The following NR2C2 variants were observed in gnomAD, a reference collection of about 807,000 sequenced individuals.
NR2C2 encodes nuclear receptor subfamily 2 group C member 2.
Under a neutral mutation model 62.9 loss-of-function variants are expected in NR2C2, and 6 were observed. The ratio of observed to expected loss-of-function variants is 0.10; its 90% confidence interval spans 0.05 to 0.19. The LOEUF is 0.19. Ranked by LOEUF, NR2C2 falls within the 10% of genes least tolerant of loss-of-function variation. The probability of loss-of-function intolerance (pLI) is 1.00; values close to 1 mark genes in which losing one functional copy is unlikely to be tolerated. For missense variants in NR2C2, 479 were observed against 762.7 expected, an observed-to-expected ratio of 0.63 and a Z score of 4.38; for synonymous variants, 272 against 273.8, an observed-to-expected ratio of 0.99 and a Z score of 0.07.
At chr3:14,982,764 C>G (rs115800937) in intron 1 of NR2C2, among the ~76,000 whole-genome samples, 1 of 151,766 alleles carries the variant, frequency 6.6e-6, no homozygotes, top group Non-Finnish European at 1.5e-5. Flanking sequence ...ATGTTTTTGT[C>G]TTGACTTATT....
At chr3:15,032,767 G>A (rs1262718409) in intron 10 of NR2C2, among the ~76,000 whole-genome samples, 1 of 152,180 alleles carries the variant, frequency 6.6e-6, no homozygotes, top group Non-Finnish European at 1.5e-5. Context: ...GAATGTAGAA[G>A]GCAAGGGTAG....
At chr3:15,038,358 C>T (rs1367211900) in intron 12 of NR2C2, 2 of 432,152 alleles carry the variant, frequency 4.6e-6, no homozygotes, top group Admixed American at 8.1e-5. Context: ...TGATGTCACG[C>T]ACTGAATAGA....
intron 11 of NR2C2, among the ~76,000 whole-genome samples, chr3:15,037,554 G>A (rs898985720): frequency 1.5e-4 from 23 of 152,144 alleles, no homozygotes; most frequent in African/African-American, 5.3e-4. Context: ...GTTCAGCCTG[G>A]GCAACATAGT....
rs2042056104 is a variant in NR2C2, at chr3:15,034,492, T to A, written c.1233-178T>A. 3 of 555,494 alleles carry A rather than the reference T, an allele frequency of 5.4e-6. No homozygotes were observed. In the South Asian group the frequency reaches 8.1e-5, roughly 15 times the overall value. The allele number at this position is 555,494 out of a possible 1,614,324, so 34.4% of individuals were successfully genotyped here. ...CATTAGAAGGATTTTAGTTAAAACA[T>A]TCATAGACTTATTCATAGACTTCAT... On this transcript the variant is annotated intron_variant, in intron 10 of 13. Coordinates refer to ENST00000425241, the MANE Select transcript of NR2C2 (RefSeq NM_001291694.2).
intron 10 of NR2C2, among the ~76,000 whole-genome samples, chr3:15,033,741 C>T (rs1437378881): frequency 1.3e-5 from 2 of 151,052 alleles, no homozygotes; most frequent in East Asian, 3.9e-4. Flanking sequence ...ACATTGTTAC[C>T]CACTGCCCTG....
chr3:15,036,435 TTC>T (rs1242074769), intron 11 of NR2C2, among the ~76,000 whole-genome samples: 1 of 151,748 alleles, frequency 6.6e-6, no homozygotes, highest in Non-Finnish European at 1.5e-5. Context: ...ATGCCCAGGA[TTC>T]GAAGTAACAC....
intron 1 of NR2C2, chr3:14,962,594 A>G (rs2039717332): frequency 6.6e-6 from 1 of 152,026 alleles, no homozygotes; most frequent in East Asian, 1.9e-4. Context: ...GGAGGTCAGC[A>G]TGTGATACGT....
chr3:14,974,682 C>G (rs2040151923), intron 1 of NR2C2, among the ~76,000 whole-genome samples: 1 of 151,376 alleles, frequency 6.6e-6, no homozygotes, highest in Non-Finnish European at 1.5e-5. Flanking sequence ...AGGCTCACTG[C>G]AACCTCCACT....
In NR2C2 at chr3:14,979,712, TGAA is replaced by T. The variant is rs534466489; in HGVS notation, c.-39-24161_-39-24159del. Among the ~76,000 whole-genome samples, 344 of 151,744 alleles carry T rather than the reference TGAA, an allele frequency of 2.3e-3. 4 individuals are homozygous for T. Among genetic ancestry groups the T allele is most frequent in the Middle Eastern group, 0.017 (5 of 294 alleles). ...CATGCTTGGTACAATAAAGGAATAA[TGAA>T]GAGTCCTGTGTGGCAGCAGTGCAGG... On this transcript the variant is annotated intron_variant, in intron 1 of 13. Coordinates refer to ENST00000425241, the MANE Select transcript of NR2C2 (RefSeq NM_001291694.2).
chr3:15,012,807 T>A (rs1004065954), intron 2 of NR2C2, among the ~76,000 whole-genome samples: 2 of 152,206 alleles, frequency 1.3e-5, no homozygotes, highest in African/African-American at 4.8e-5. Context: ...ATTCTTGTCA[T>A]AGCAGCTGTT....
At chr3:15,004,277 A>G (rs1001179715) in intron 2 of NR2C2, among the ~76,000 whole-genome samples, 4 of 152,194 alleles carry the variant, frequency 2.6e-5, no homozygotes, top group Admixed American at 2.6e-4. Flanking sequence ...ATTAAGAGCA[A>G]GGGCCCCTAC....
At chr3:15,019,252 A>G (rs2041604069) in intron 4 of NR2C2, among the ~76,000 whole-genome samples, 1 of 151,926 alleles carries the variant, frequency 6.6e-6, no homozygotes, top group Admixed American at 6.6e-5. Context: ...AAATGTCTAC[A>G]ATTAAAAAGA....
chr3:14,959,433 C>G (rs973555567), intron 1 of NR2C2: 3 of 152,140 alleles, frequency 2.0e-5, no homozygotes, highest in African/African-American at 7.2e-5. Flanking sequence ...CCTCCTCTGA[C>G]TGGATTTAAG....
intron 1 of NR2C2, among the ~76,000 whole-genome samples, chr3:14,979,914 A>C (rs1228598963): frequency 1.3e-5 from 2 of 152,220 alleles, no homozygotes; most frequent in African/African-American, 4.8e-5. Flanking sequence ...TGGGGGTTGA[A>C]TCACAAGCCT....
intron 8 of NR2C2, 58 bp downstream of exon 8, chr3:15,028,777 T>C (rs1007044216): frequency 6.4e-7 from 1 of 1,573,294 alleles, no homozygotes; most frequent in African/African-American, 1.3e-5. Flanking sequence ...CCCTCTATTG[T>C]GAGGGTGGAA....
intron 1 of NR2C2, among the ~76,000 whole-genome samples, chr3:14,982,472 TC>T (rs2125332726): frequency 6.6e-6 from 1 of 152,354 alleles, no homozygotes; most frequent in Non-Finnish European, 1.5e-5. Context: ...TATTGAGTCT[TC>T]CGATCCATCA....
intron 11 of NR2C2, 81 bp downstream of exon 11, chr3:15,034,890 A>C: frequency 7.2e-7 from 1 of 1,394,704 alleles, no homozygotes; most frequent in Admixed American, 2.7e-5. Context: ...CCCTGGTTGG[A>C]GGCTCATGTC....
At chr3:15,002,179 C>T (rs2041022755) in intron 1 of NR2C2, among the ~76,000 whole-genome samples, 1 of 152,168 alleles carries the variant, frequency 6.6e-6, no homozygotes, top group African/African-American at 2.4e-5. Flanking sequence ...AGCTTTTAGT[C>T]TTTTACCGCT....
intron 11 of NR2C2, among the ~76,000 whole-genome samples, chr3:15,035,882 G>T (rs1016404651): frequency 3.9e-5 from 6 of 152,224 alleles, no homozygotes; most frequent in Non-Finnish European, 8.8e-5. Context: ...CAAAAAATTA[G>T]CCAGGCGTGA....
Sources: allele counts gnomAD v4.1 joint callset (sites outside exome capture counted in the v4.1 genomes callset), GRCh38; gene constraint gnomAD v4.1.1; transcripts MANE v1.5; gene names NCBI Gene and HGNC (gene_info 2026-07-23, HGNC 2026-07-21).